PCDH11X: variants seen among roughly 807,000 people sequenced by gnomAD.
PCDH11X encodes protocadherin 11 X-linked, also known as protocadherin-11 X-linked.
In PCDH11X, 18 loss-of-function variants were observed where a neutral mutation model predicts 53.3. The ratio of observed to expected loss-of-function variants is 0.34; its 90% CI spans 0.23 to 0.50. The LOEUF is 0.50. PCDH11X is among the 20% of genes least tolerant of loss of function. The pLI is 0.98. For synonymous variants in PCDH11X, 279 were observed against 393.3 expected (o/e 0.71, Z 3.44); for missense variants, 570 against 1,032.4 (o/e 0.55, Z 6.14).
chrX:92,508,371 T>A (rs1326203167), intron 10 of PCDH11X, among the ~76,000 whole-genome samples: 1 of 109,529 alleles, frequency 9.1e-6, no homozygotes, highest in Non-Finnish European at 1.9e-5. Flanking sequence ...TACAGGCACG[T>A]GCCTCCACAC....
chrX:92,137,392 T>C (rs924593409), intron 6 of PCDH11X, among the ~76,000 whole-genome samples: 3 of 111,699 alleles, frequency 2.7e-5, no homozygotes, highest in Middle Eastern at 4.6e-3. Context: ...GCAGCTTTAA[T>C]GGTTGCCAAG....
chrX:92,512,578 C>G (rs1242580491), intron 10 of PCDH11X, among the ~76,000 whole-genome samples: 2 of 111,335 alleles, frequency 1.8e-5, no homozygotes. Context: ...TGATGATATG[C>G]AAAAGAAAGA....
chrX:92,564,714 A>G (rs1161096444), intron 10 of PCDH11X, among the ~76,000 whole-genome samples: 1 of 111,858 alleles, frequency 8.9e-6, no homozygotes, highest in South Asian at 3.7e-4. Context: ...CTGTGCAGAA[A>G]TTTCTTAAGT....
intron 6 of PCDH11X, among the ~76,000 whole-genome samples, chrX:91,914,017 C>T (rs984201782): frequency 4.5e-5 from 5 of 111,711 alleles, no homozygotes; most frequent in African/African-American, 1.6e-4. Context: ...TCTGCCACCT[C>T]TACCAGAGCA....
At chrX:92,043,259 A>G (rs1220301028) in intron 6 of PCDH11X, among the ~76,000 whole-genome samples, 2 of 105,820 alleles carry the variant, frequency 1.9e-5, no homozygotes, top group Non-Finnish European at 3.8e-5. Flanking sequence ...TTGAAATTAC[A>G]TTGTAATTTC....
intron 8 of PCDH11X, among the ~76,000 whole-genome samples, chrX:92,379,613 G>A (rs931228688): frequency 1.8e-5 from 2 of 110,642 alleles, no homozygotes; most frequent in Non-Finnish European, 3.8e-5. Context: ...CCCACCTTCC[G>A]GTCAGAGAAG....
At chrX:92,013,805 G>C (rs1198344819) in intron 6 of PCDH11X, among the ~76,000 whole-genome samples, 13 of 111,630 alleles carry the variant, frequency 1.2e-4, no homozygotes, top group Non-Finnish European at 5.6e-5. Context: ...TTTAATAAAT[G>C]GTGCTGGGAA....
At chrX:92,358,923 A>G (rs1486892366) in intron 8 of PCDH11X, among the ~76,000 whole-genome samples, 3 of 108,234 alleles carry the variant, frequency 2.8e-5, no homozygotes, top group East Asian at 2.9e-4. Flanking sequence ...GGTTTCATCA[A>G]TTCTCACTAA....
chrX:92,188,060 TC>T (rs2066129711), intron 6 of PCDH11X, among the ~76,000 whole-genome samples: 1 of 111,403 alleles, frequency 9.0e-6, no homozygotes, highest in South Asian at 3.8e-4. Flanking sequence ...CTCATCTGCA[TC>T]TCTACCCATT....
At chrX:92,432,717 T>C (rs1184464289) in intron 9 of PCDH11X, among the ~76,000 whole-genome samples, 1 of 107,734 alleles carries the variant, frequency 9.3e-6, no homozygotes, top group Non-Finnish European at 1.9e-5. Flanking sequence ...AGTTAAAATA[T>C]ATTTTTGACA....
chrX:92,554,926 T>G (rs752768743), intron 10 of PCDH11X, among the ~76,000 whole-genome samples: 28 of 111,647 alleles, frequency 2.5e-4, no homozygotes, highest in African/African-American at 8.8e-4. Context: ...AAGGTTATTC[T>G]TTGTTTCCTT....
chrX:92,371,792 G>T (rs971772102), intron 8 of PCDH11X, among the ~76,000 whole-genome samples: 1 of 108,536 alleles, frequency 9.2e-6, no homozygotes, highest in Non-Finnish European at 1.9e-5. Context: ...CCACTTGGGG[G>T]TGGGTGATTT....
chrX:92,401,613 C>A (rs1391803014), intron 9 of PCDH11X, among the ~76,000 whole-genome samples: 1 of 111,936 alleles, frequency 8.9e-6, no homozygotes, highest in Non-Finnish European at 1.9e-5. Flanking sequence ...CCACAGGAAG[C>A]ATAAGGACTA....
intron 10 of PCDH11X, among the ~76,000 whole-genome samples, chrX:92,507,639 A>G (rs2074088161): frequency 9.0e-6 from 1 of 111,539 alleles, no homozygotes. Flanking sequence ...TAAATATGTG[A>G]TTGATACTGA....
intron 6 of PCDH11X, among the ~76,000 whole-genome samples, chrX:91,995,818 TG>T (rs2062406468): frequency 9.1e-6 from 1 of 110,198 alleles, no homozygotes; most frequent in Non-Finnish European, 1.9e-5. Flanking sequence ...TCTAAGCACA[TG>T]GGGTATCCAT....
rs1206147575 is a variant in PCDH11X, at chrX:91,872,780, C to T, written c.541-4001C>T. On this transcript the variant is annotated intron_variant, in intron 5 of 10. Transcript: ENST00000682573. ...ACGTTTTATCTTCTTTTTCATTTTT[C>T]TCACTGTCCTCCTGTCATGGTCAAA... is the stretch of plus-strand genomic sequence containing the variant. 3.7e-5 allele frequency among the ~76,000 whole-genome samples: 4 copies of T among 109,504 alleles called. No individual in the cohort carries two copies. The East Asian group carries it at 1.2e-3, about 32-fold the overall frequency.
chrX:92,517,836 C>T (rs1334287219), intron 10 of PCDH11X, among the ~76,000 whole-genome samples: 1 of 110,657 alleles, frequency 9.0e-6, no homozygotes, highest in Non-Finnish European at 1.9e-5. Flanking sequence ...AGCAATGCTA[C>T]CTGATTCAAT....
At chrX:92,190,290 C>T (rs1249147817) in intron 6 of PCDH11X, among the ~76,000 whole-genome samples, 1 of 111,123 alleles carries the variant, frequency 9.0e-6, no homozygotes, top group African/African-American at 3.3e-5. Context: ...TATGGCCAGC[C>T]AGTTCTCCCA....
At chrX:92,518,802 G>T (rs1391631850) in intron 10 of PCDH11X, among the ~76,000 whole-genome samples, 3 of 95,141 alleles carry the variant, frequency 3.2e-5, no homozygotes, top group South Asian at 1.1e-3. Flanking sequence ...TGTCGCCCAG[G>T]CTGGAGTGCA....
Sources: gnomAD v4.1 joint callset for allele counts (sites outside exome capture counted in the v4.1 genomes callset) on GRCh38, gnomAD v4.1.1 for gene constraint, MANE v1.5 for transcripts, NCBI Gene and HGNC (gene_info 2026-07-23, HGNC 2026-07-21) for gene names.